The following INTS1 variants were observed in gnomAD, a reference collection of about 807,000 sequenced individuals.
The protein encoded by INTS1 is integrator complex subunit 1.
A neutral mutation model predicts 241.6 loss-of-function variants in INTS1; 137 were observed. The ratio of observed to expected loss-of-function variants is 0.57; its 90% CI spans 0.49 to 0.65. INTS1 has a LOEUF of 0.65. Among genes scored for constraint, INTS1 ranks in the 30% least tolerant of loss-of-function variants. The pLI, the probability that INTS1 is intolerant of heterozygous loss-of-function variation, is 0.00. For synonymous variants in INTS1, 1,692 were observed against 1,337.8 expected, an observed-to-expected ratio of 1.26 and a Z score of -5.78; for missense variants, 3,073 against 3,032.2, an observed-to-expected ratio of 1.01 and a Z score of -0.32.
Position 1,493,782 on chromosome 7 carries a change from C to T in INTS1, c.2040G>A (p.Val680=), listed in dbSNP as rs1328379491. 11 of 1,579,302 alleles carry T rather than the reference C, an allele frequency of 7.0e-6. No homozygotes were observed. The highest frequency in any genetic ancestry group is 8.6e-6 in the Non-Finnish European group (10 of 1,164,044). ...CCGCCTGCACGGCAGCCGCCCGCTTCACCAGGTGGTCAGCAAGCTCCATGG... is the reference window on the plus strand; with the variant it reads ...CCGCCTGCACGGCAGCCGCCCGCTTTACCAGGTGGTCAGCAAGCTCCATGG... ...ADAMELADHL[V]KRAAAVQADD... is the part of the protein sequence containing the mutation. Residue 680 remains valine (V), a synonymous_variant, in exon 15 of 48, where the codon GTG becomes GTA. Transcript: ENST00000404767. This position sits in a 1 kb window ranked among gnomAD's most constrained non-coding sequence, Gnocchi z 5.3.
intron 39 of INTS1, 50 bp downstream of exon 39, chr7:1,475,898 G>T: frequency 1.3e-6 from 2 of 1,517,648 alleles, no homozygotes; most frequent in South Asian, 1.2e-5. Context: ...CTCCCTGCCC[G>T]GCCAGGGCAC....
intron 36 of INTS1, 36 bp downstream of exon 36, chr7:1,476,758 G>T: frequency 6.2e-7 from 1 of 1,612,498 alleles, no homozygotes; most frequent in Non-Finnish European, 8.5e-7. Context: ...AGGCCAGTAT[G>T]CGCGCAGCCC....
chr7:1,478,082 A>T (rs10265535), intron 33 of INTS1, 146 bp from the exon 34 acceptor site: 2 of 743,760 alleles, frequency 2.7e-6, no homozygotes, highest in Admixed American at 2.5e-5. Flanking sequence ...AGGAGAGTGC[A>T]GCCGGGGCCG....
rs77986425 is a variant in INTS1, at chr7:1,496,987, G to A, written c.1602+151C>T. On this transcript the variant is annotated intron_variant, in intron 11 of 47. Coordinates refer to ENST00000404767, the MANE Select transcript of INTS1 (RefSeq NM_001080453.3). ...CAGAGCCTATGCTACCCTCTGGGAC[G>A]CGTCACCGCAAACAGCCTCACTCAT... 0.016 allele frequency: 12,326 copies of A among 777,090 alleles called. 994 individuals are homozygous for A. In the African/African-American group the frequency reaches 0.18, roughly 12 times the overall value. 48.1% of individuals were successfully genotyped at this position (777,090 alleles called of 1,614,324 possible).
At chr7:1,471,323 G>T in intron 45 of INTS1, 99 bp from the exon 46 acceptor site, 2 of 1,271,376 alleles carry the variant, frequency 1.6e-6, no homozygotes. Flanking sequence ...GCAACGGCAG[G>T]GACCCTAGGC....
chr7:1,473,230 A>T (rs1781555507), intron 42 of INTS1, 46 bp from the exon 43 acceptor site: 9 of 1,396,270 alleles, frequency 6.4e-6, no homozygotes. Context: ...CGCTGGCAGG[A>T]GGAAGGCTGG....
In INTS1 at chr7:1,503,162, G is replaced by A. The variant is rs1783277855; in HGVS notation, c.88C>T (p.Leu30=). 4 of 1,553,644 alleles carry A rather than the reference G, an allele frequency of 2.6e-6. No individual in the cohort carries two copies. The highest frequency in any genetic ancestry group is 2.4e-5 in the South Asian group (2 of 83,186). Residue 30 remains leucine, a synonymous_variant, in exon 3 of 48, where the codon CTG becomes TTG. Coordinates refer to ENST00000404767, the MANE Select transcript of INTS1 (RefSeq NM_001080453.3). ...GHPPPGDFIA[L]GSKGQANESK... ...TCATTGGCCTGACCCTTTGAGCCCA[G>A]AGCAATGAAGTCTCCTGGGGGAGGG...
chr7:1,483,185 G>A (rs533434080), intron 26 of INTS1: 34 of 214,900 alleles, frequency 1.6e-4, no homozygotes, highest in African/African-American at 5.3e-4. Flanking sequence ...TGAGGGTTCC[G>A]CCCCCTTCCC....
In INTS1 at chr7:1,483,814, C is replaced by T. The variant is rs369996910; in HGVS notation, c.3469G>A (p.Gly1157Arg). 27 of 1,612,442 alleles carry T rather than the reference C, an allele frequency of 1.7e-5. No individual in the cohort carries two copies. The highest frequency in any genetic ancestry group is 4.0e-5 in the African/African-American group (3 of 74,930). Residue 1157 changes from glycine (G) to arginine (R), a missense_variant, in exon 26 of 48, where the codon GGG (glycine) becomes AGG (arginine). Physicochemically the swap from Gly to Arg is moderately radical, Grantham distance 125. Coordinates refer to ENST00000404767, the MANE Select transcript of INTS1 (RefSeq NM_001080453.3). ...QDQVFLRWSS[G>R]ETATMHILVV... ...AGGATGTGCATGGTGGCTGTCTCCC[C>T]GCTGCTCCAGCGTAGGAAGACCTGG...
chr7:1,499,959 C>G lies in INTS1; in HGVS notation c.609G>C (p.Leu203=). The G allele has an allele frequency of 1.2e-6, 2 of 1,613,714 alleles. No individual in the cohort carries two copies. Among genetic ancestry groups the G allele is most frequent in the Admixed American group, 1.7e-5 (1 of 60,026 alleles). ...GGAGGTTACAGGCCAGCACAGACAC[C>G]AGGCTGTTCCCCTTGGCCTTGAAGT... The part of the protein sequence containing the change: ...SINFKAKGNS[L]VSVLACNLLM... Residue 203 remains leucine, a synonymous_variant, in exon 5 of 48, where the codon CTG becomes CTC. Transcript: ENST00000404767.
intron 2 of INTS1, among the ~76,000 whole-genome samples, chr7:1,503,433 G>T (rs1165352144): frequency 6.6e-6 from 1 of 152,146 alleles, no homozygotes; most frequent in African/African-American, 2.4e-5. Context: ...CCAAATTAGT[G>T]TGCTTAGTAA....
chr7:1,486,623 A>C lies in INTS1; in HGVS notation c.2976+2T>G. The C allele has an allele frequency of 6.2e-7, 1 of 1,610,722 alleles. No individual in the cohort carries two copies. Among genetic ancestry groups the C allele is most frequent in the East Asian group, 2.2e-5 (1 of 44,806 alleles). ...CGCAGAAAGACCCGCCCACCACCTCACCTTCATGGCCAGCACGCGGGAGGC... is the reference window on the plus strand; with the variant it reads ...CGCAGAAAGACCCGCCCACCACCTCCCCTTCATGGCCAGCACGCGGGAGGC... On this transcript the variant is annotated splice_donor_variant, in intron 22 of 47. Coordinates refer to ENST00000404767, the MANE Select transcript of INTS1 (RefSeq NM_001080453.3). LOFTEE classifies it high-confidence loss of function.
intron 8 of INTS1, 27 bp downstream of exon 8, chr7:1,498,948 G>GGGCC: frequency 1.1e-6 from 1 of 946,718 alleles, no homozygotes; most frequent in Non-Finnish European, 1.4e-6. Flanking sequence ...CCCCTGCCCC[G>GGGCC]CCCACCCCCC....
At chr7:1,486,569 G>A (rs757718850) in intron 22 of INTS1, 56 bp downstream of exon 22, 2 of 1,560,226 alleles carry the variant, frequency 1.3e-6, no homozygotes, top group Middle Eastern at 1.8e-4. Context: ...CCGGTCCCCA[G>A]CCTACTCATT....
rs528128674 is a variant in INTS1 at position 1,493,197 on chromosome 7, G to A, written c.2069-91C>T. 3.1e-5 allele frequency: 29 copies of A among 942,898 alleles called. 1 individual carries two copies. The highest frequency in any genetic ancestry group is 2.6e-4 in the South Asian group (18 of 68,398). 58.4% of individuals were successfully genotyped at this position (942,898 alleles called of 1,614,324 possible). A position where few individuals can be genotyped will look rare whatever the true frequency, so the allele number is the denominator to read the frequency against. ...GAACCGGCCCTGCTCGGGCCGCGTC[G>A]GGGTGGGGTGGGGGATGCCGCAGGG... On this transcript the variant is annotated intron_variant, in intron 15 of 47. Coordinates refer to ENST00000404767, the MANE Select transcript of INTS1 (RefSeq NM_001080453.3). This position sits in a 1 kb window ranked among gnomAD's most constrained non-coding sequence, Gnocchi z 5.3.
intron 39 of INTS1, among the ~76,000 whole-genome samples, chr7:1,475,174 G>A (rs1481590848): frequency 6.6e-6 from 1 of 152,202 alleles, no homozygotes; most frequent in East Asian, 1.9e-4. Flanking sequence ...CCAGAGCCCA[G>A]GAGTTCAAGA....
intron 45 of INTS1, 59 bp downstream of exon 45, chr7:1,471,512 G>A: frequency 1.9e-6 from 3 of 1,564,228 alleles, no homozygotes; most frequent in Non-Finnish European, 1.8e-6. Flanking sequence ...TGGTGGCCCT[G>A]CTGGGGTTCC....
At chr7:1,483,631 G>A (rs149846225) in intron 26 of INTS1, 111 bp downstream of exon 26, 1 of 805,660 alleles carries the variant, frequency 1.2e-6, no homozygotes. Context: ...TTGAAGGGCT[G>A]GGGGGCTTCC....
Position 1,484,178 on chromosome 7 carries a change from G to A in INTS1, c.3262-8C>T, listed in dbSNP as rs1209682735. 1.8e-5 allele frequency: 29 copies of A among 1,600,900 alleles called. No homozygotes were observed. Among genetic ancestry groups the A allele is most frequent in the Non-Finnish European group, 2.1e-5 (25 of 1,172,584 alleles). ...GACCAGCCGGGCCACGTCCTGGTGT[G>A]TGGACAGGGGGGCGTCAGAGGCTCC... On this transcript the variant is annotated splice_polypyrimidine_tract_variant and splice_region_variant and intron_variant, in intron 24 of 47. Transcript: ENST00000404767.
Sources: gnomAD v4.1 joint callset for allele counts (sites outside exome capture counted in the v4.1 genomes callset) on GRCh38, gnomAD v4.1.1 for gene constraint, Gnocchi (gnomAD v3.1) non-coding constraint, MANE v1.5 for transcripts, NCBI Gene and HGNC (gene_info 2026-07-23, HGNC 2026-07-21) for gene names.